The following IGF1R variants were observed in gnomAD, a reference collection of about 807,000 sequenced individuals.
IGF1R encodes the protein insulin like growth factor 1 receptor, also known as insulin-like growth factor 1 receptor.
Under a neutral mutation model 144.6 loss-of-function variants are expected in IGF1R, and 44 were observed. The observed-to-expected ratio is 0.30, with a 90% CI of 0.24 to 0.39. IGF1R has a LOEUF of 0.39. IGF1R is among the 10% of genes least tolerant of loss of function. The pLI, the probability that IGF1R is intolerant of heterozygous loss-of-function variation, is 1.00. For missense variants in IGF1R, 1,355 were observed against 1,833.7 expected (o/e 0.74, Z 4.77); for synonymous variants, 795 against 722.8 (o/e 1.10, Z -1.60).
rs1323576895 is a variant in IGF1R, at chr15:98,809,026, A to C, written c.641-82299A>C. 2.0e-5 allele frequency among the ~76,000 whole-genome samples: 3 copies of C among 152,190 alleles called. 1 individual carries two copies. Among genetic ancestry groups the C allele is most frequent in the Admixed American group, 1.3e-4 (2 of 15,290 alleles). On this transcript the variant is annotated intron_variant, in intron 2 of 20. Transcript: ENST00000650285. ...CAACAGTTAAAATAAGAAGCTGCTC[A>C]AGACATTTACCTATCCTGAATGTTT...
chr15:98,731,881 C>T (rs1225200831), intron 2 of IGF1R, among the ~76,000 whole-genome samples: 2 of 152,142 alleles, frequency 1.3e-5, no homozygotes, highest in African/African-American at 4.8e-5. Flanking sequence ...GTTGGTGCTG[C>T]GTGTTGACTG....
intron 2 of IGF1R, among the ~76,000 whole-genome samples, chr15:98,874,937 A>G (rs776200481): frequency 1.8e-4 from 28 of 152,242 alleles, no homozygotes; most frequent in Non-Finnish European, 3.4e-4. Flanking sequence ...TGCTGCAGTG[A>G]ACAAATGCTG....
chr15:98,727,226 A>C (rs144624055), intron 2 of IGF1R, among the ~76,000 whole-genome samples: 101 of 152,334 alleles, frequency 6.6e-4, no homozygotes, highest in African/African-American at 2.2e-3. Context: ...GTTTCCAGTA[A>C]ACTTTTAATT....
intron 2 of IGF1R, among the ~76,000 whole-genome samples, chr15:98,836,109 G>T (rs760125338): frequency 6.6e-6 from 1 of 152,054 alleles, no homozygotes; most frequent in African/African-American, 2.4e-5. Context: ...AGGAAAATCC[G>T]CAGAGCTAGA....
intron 15 of IGF1R, among the ~76,000 whole-genome samples, chr15:98,934,041 G>A (rs893118400): frequency 6.6e-6 from 1 of 151,600 alleles, no homozygotes; most frequent in African/African-American, 2.4e-5. Flanking sequence ...CCAATAATAC[G>A]TTTCGTGTAA....
At chr15:98,758,544 C>A (rs2055214622) in intron 2 of IGF1R, among the ~76,000 whole-genome samples, 1 of 152,252 alleles carries the variant, frequency 6.6e-6, no homozygotes, top group Admixed American at 6.5e-5. Context: ...TCTCTTCCGA[C>A]AACATAAGGC....
At position 98,649,529 on chromosome 15, in the gene IGF1R, T is replaced by C. The variant is rs1432650779; in HGVS notation, c.-53T>C. On this transcript the variant is annotated 5_prime_UTR_variant, in exon 1 of 21. Coordinates refer to ENST00000650285, the MANE Select transcript of IGF1R (RefSeq NM_000875.5). ...TTCCTTTTTTTCTTTTCTTTTCTTT[T>C]TTTTTTTTTTTTTTTTTTTTGAGAA... is the stretch of plus-strand genomic sequence containing the variant. 6.7e-5 allele frequency: 8 copies of C among 119,532 alleles called. No individual in the cohort carries two copies. The highest frequency in any genetic ancestry group is 2.0e-4 in the South Asian group (2 of 9,860). The allele number at this position is 119,532 out of a possible 1,614,324, so 7.4% of individuals were successfully genotyped here.
chr15:98,950,583 A>T (rs988281551), intron 20 of IGF1R, among the ~76,000 whole-genome samples: 1 of 152,256 alleles, frequency 6.6e-6, no homozygotes, highest in Admixed American at 6.5e-5. Context: ...TACAGCCTCC[A>T]TAGGCCCTCT....
At chr15:98,825,914 C>A (rs2056886876) in intron 2 of IGF1R, among the ~76,000 whole-genome samples, 2 of 152,128 alleles carry the variant, frequency 1.3e-5, no homozygotes, top group Admixed American at 6.5e-5. Flanking sequence ...ACTGATCACC[C>A]CTATGGGTGT....
intron 2 of IGF1R, among the ~76,000 whole-genome samples, chr15:98,884,735 A>G (rs1479394018): frequency 6.7e-6 from 1 of 150,282 alleles, no homozygotes; most frequent in African/African-American, 2.4e-5. Context: ...ATGGTCCTGG[A>G]CATATCTTGA....
chr15:98,712,838 G>C (rs940425134), intron 2 of IGF1R, among the ~76,000 whole-genome samples: 2 of 149,622 alleles, frequency 1.3e-5, no homozygotes, highest in African/African-American at 5.0e-5. Flanking sequence ...TCGAACTCCC[G>C]ACCTCAGGCG....
At chr15:98,660,987 G>T (rs112853850) in intron 1 of IGF1R, among the ~76,000 whole-genome samples, 2 of 152,260 alleles carry the variant, frequency 1.3e-5, no homozygotes, top group African/African-American at 4.8e-5. Context: ...TGGGTGGGTA[G>T]GGTACTTGCA....
chr15:98,799,645 G>C (rs2056319707), intron 2 of IGF1R, among the ~76,000 whole-genome samples: 1 of 152,196 alleles, frequency 6.6e-6, no homozygotes, highest in African/African-American at 2.4e-5. Context: ...CGGCATGGGG[G>C]ACCGAGTGTG....
intron 2 of IGF1R, among the ~76,000 whole-genome samples, chr15:98,850,916 A>G (rs1320215064): frequency 1.3e-5 from 2 of 152,094 alleles, no homozygotes; most frequent in East Asian, 1.9e-4. Flanking sequence ...TGGAGACACA[A>G]ATTAGAATAT....
intron 2 of IGF1R, among the ~76,000 whole-genome samples, chr15:98,761,891 G>A (rs182360101): frequency 8.7e-4 from 133 of 152,370 alleles, no homozygotes; most frequent in South Asian, 1.2e-3. Flanking sequence ...GAGGGGTACA[G>A]TGATGAGCAA....
intron 2 of IGF1R, among the ~76,000 whole-genome samples, chr15:98,745,567 C>A (rs971057608): frequency 6.6e-6 from 1 of 152,172 alleles, no homozygotes; most frequent in Admixed American, 6.5e-5. Flanking sequence ...AGGAACAGGA[C>A]ACCTCTGTGG....
intron 2 of IGF1R, among the ~76,000 whole-genome samples, chr15:98,757,893 AGTCCT>A (rs2055194835): frequency 6.6e-6 from 1 of 152,226 alleles, no homozygotes; most frequent in Admixed American, 6.5e-5. Context: ...TAATTGAACA[AGTCCT>A]TTGCTAATTT....
At position 98,794,279 on chromosome 15, in the gene IGF1R, G is replaced by A. The variant is rs58836470; in HGVS notation, c.640+86172G>A. On this transcript the variant is annotated intron_variant, in intron 2 of 20. Transcript: ENST00000650285. ...TGGCCCTCAAAGGTACTTTTCAGGT[G>A]GACATTGATTTCATGCCAGCTGTCA... Among the ~76,000 whole-genome samples, 28 of 152,300 alleles carry A rather than the reference G, an allele frequency of 1.8e-4. No individual in the cohort carries two copies. The East Asian group carries it at 5.2e-3, about 28-fold the overall frequency.
At chr15:98,918,181 G>A (rs927488833) in intron 10 of IGF1R, among the ~76,000 whole-genome samples, 31 of 152,086 alleles carry the variant, frequency 2.0e-4, no homozygotes, top group Admixed American at 2.0e-3. Context: ...ACGACCTCAT[G>A]CCTGAAAACT....
Sources: gnomAD v4.1 joint callset for allele counts (sites outside exome capture counted in the v4.1 genomes callset) on GRCh38, gnomAD v4.1.1 for gene constraint, MANE v1.5 for transcripts, NCBI Gene and HGNC (gene_info 2026-07-23, HGNC 2026-07-21) for gene names.